Variants in TRPC6 observed in about 807,000 individuals in gnomAD.
The protein encoded by TRPC6 is short transient receptor potential channel 6.
Under a neutral mutation model 90.7 loss-of-function variants are expected in TRPC6, and 55 were observed. That is an observed-to-expected ratio of 0.61 (90% CI 0.49 to 0.76). The LOEUF (loss-of-function observed/expected upper bound fraction) is 0.76, where lower values mean the gene tolerates loss of function less well. TRPC6 is among the 30% of genes least tolerant of loss of function. TRPC6 has a pLI of 0.00. For missense variants in TRPC6, 989 were observed against 1,122.7 expected (o/e 0.88, Z 1.70); for synonymous variants, 393 against 393.0 (o/e 1.00, Z 0.00).
At chr11:101,475,914 GTATA>G (rs34951678) in intron 6 of TRPC6, among the ~76,000 whole-genome samples, 12,057 of 150,572 alleles carry the variant, frequency 0.08, 639 homozygotes, top group Middle Eastern at 0.13. Flanking sequence ...ACACACACGT[GTATA>G]TATACATATA....
intron 1 of TRPC6, among the ~76,000 whole-genome samples, chr11:101,528,543 CATT>C (rs1860836050): frequency 1.3e-5 from 2 of 152,288 alleles, no homozygotes; most frequent in East Asian, 3.9e-4. Context: ...TGAGGCAACA[CATT>C]ATATAGAGTT....
At chr11:101,580,734 C>G (rs1311026530) in intron 1 of TRPC6, among the ~76,000 whole-genome samples, 1 of 152,112 alleles carries the variant, frequency 6.6e-6, no homozygotes, top group Non-Finnish European at 1.5e-5. Flanking sequence ...CTTACAAAGA[C>G]TTGGGATCTT....
chr11:101,583,286 C>A (rs1048138380), intron 1 of TRPC6, 48 bp downstream of exon 1: 2 of 1,539,164 alleles, frequency 1.3e-6, no homozygotes, highest in African/African-American at 1.4e-5. Context: ...CGCACAACCT[C>A]CCTCCGCGCA....
At chr11:101,517,466 C>T (rs922038212) in intron 1 of TRPC6, among the ~76,000 whole-genome samples, 5 of 152,072 alleles carry the variant, frequency 3.3e-5, no homozygotes, top group African/African-American at 7.2e-5. Context: ...AGAACTCTGC[C>T]GAAGGCTCAT....
intron 1 of TRPC6, among the ~76,000 whole-genome samples, chr11:101,515,680 A>G (rs6590878): frequency 0.49 from 74,537 of 151,980 alleles, 18,633 homozygotes; most frequent in African/African-American, 0.55. Flanking sequence ...TATTTTAAAC[A>G]AATTTTTACT....
intron 1 of TRPC6, among the ~76,000 whole-genome samples, chr11:101,551,662 G>T (rs1167114945): frequency 6.6e-6 from 1 of 151,710 alleles, no homozygotes; most frequent in Non-Finnish European, 1.5e-5. Context: ...GCCAATTAAT[G>T]ATTCAAAAAC....
At chr11:101,517,832 G>A (rs936282001) in intron 1 of TRPC6, among the ~76,000 whole-genome samples, 43 of 152,240 alleles carry the variant, frequency 2.8e-4, no homozygotes, top group African/African-American at 1.0e-3. Context: ...ATTCCAAAAT[G>A]CTATTACCTA....
intron 1 of TRPC6, among the ~76,000 whole-genome samples, chr11:101,519,559 AC>A (rs1358546146): frequency 6.6e-6 from 1 of 151,892 alleles, no homozygotes; most frequent in East Asian, 1.9e-4. Context: ...TATCTGCTTC[AC>A]CCATCTTGAT....
chr11:101,547,093 C>T (rs1861323372), intron 1 of TRPC6, among the ~76,000 whole-genome samples: 1 of 152,130 alleles, frequency 6.6e-6, no homozygotes. Context: ...CCATGGGAAT[C>T]TTCTGGGTTT....
At position 101,472,451 on chromosome 11, in the gene TRPC6, T is replaced by TCACTTCTCTGAAGCTCA. The variant is rs1254436806; in HGVS notation, c.2010-136_2010-120dup. On this transcript the variant is annotated intron_variant, in intron 7 of 12. Coordinates refer to ENST00000344327, the MANE Select transcript of TRPC6 (RefSeq NM_004621.6). ...AATTAGTGAGTATAAAAAAAATTCTTCACTTCTCTGAAGCTCACTTTTCTT... is the reference window on the plus strand; with the variant it reads ...AATTAGTGAGTATAAAAAAAATTCTTCACTTCTCTGAAGCTCACACTTCTCTGAAGCTCACTTTTCTT... 1.0e-5 allele frequency: 10 copies of TCACTTCTCTGAAGCTCA among 953,324 alleles called. No homozygotes were observed. In the East Asian group the frequency reaches 2.1e-4, roughly 20 times the overall value. The allele number at this position is 953,324 out of a possible 1,614,324, so 59.1% of individuals were successfully genotyped here.
At chr11:101,494,957 A>G (rs746548687) in intron 2 of TRPC6, among the ~76,000 whole-genome samples, 1 of 152,194 alleles carries the variant, frequency 6.6e-6, no homozygotes. Flanking sequence ...TCATATTTTA[A>G]GTAACTGACA....
chr11:101,545,087 T>C lies in TRPC6; in HGVS notation c.170+38247A>G, dbSNP rs371619479. Reference sequence around the variant, plus strand: ...TTGTTCTGAATGAAAAATAGGTCTGTATTAGTCTTTATACACACACACATA... The same window carrying C: ...TTGTTCTGAATGAAAAATAGGTCTGCATTAGTCTTTATACACACACACATA... On this transcript the variant is annotated intron_variant, in intron 1 of 12. Coordinates refer to ENST00000344327, the MANE Select transcript of TRPC6 (RefSeq NM_004621.6). 6.6e-5 allele frequency among the ~76,000 whole-genome samples: 10 copies of C among 152,192 alleles called. No individual in the cohort carries two copies. The East Asian group carries it at 1.2e-3, about 18-fold the overall frequency.
At position 101,583,602 on chromosome 11, in the gene TRPC6, C is replaced by G. The variant is rs913767126; in HGVS notation, c.-99G>C. ...CGGAGGGTTCGCGTCAGCGGCCGAA[C>G]TGGACCTGGGCAGACCGGTGCCCAG... On this transcript the variant is annotated 5_prime_UTR_variant, in exon 1 of 13. Coordinates refer to ENST00000344327, the MANE Select transcript of TRPC6 (RefSeq NM_004621.6). 4 of 1,337,086 alleles carry G rather than the reference C, an allele frequency of 3.0e-6. No individual in the cohort carries two copies. The highest frequency in any genetic ancestry group is 3.1e-5 in the African/African-American group (2 of 64,360). The allele number at this position is 1,337,086 out of a possible 1,614,324, so 82.8% of individuals were successfully genotyped here.
At chr11:101,458,820 C>G (rs1028702043) in intron 10 of TRPC6, among the ~76,000 whole-genome samples, 1 of 152,130 alleles carries the variant, frequency 6.6e-6, no homozygotes. Flanking sequence ...GTGCAGCTAA[C>G]TAAATACTTT....
At chr11:101,494,153 G>C (rs1236811841) in intron 2 of TRPC6, among the ~76,000 whole-genome samples, 2 of 152,124 alleles carry the variant, frequency 1.3e-5, no homozygotes, top group African/African-American at 4.8e-5. Flanking sequence ...CGAACTCTTA[G>C]ATTTGGAGGT....
rs559103939 is a variant in TRPC6, at chr11:101,475,509, C to T, written c.1744+792G>A. Among the ~76,000 whole-genome samples the T allele has an allele frequency of 2.0e-5, 3 of 152,102 alleles. No individual in the cohort carries two copies. The East Asian group carries it at 5.8e-4, about 29-fold the overall frequency. Reference sequence around the variant, plus strand: ...ACTCTAGCCACTATACTGTATATCTCCCTTATTATAAGCTTATTACAAGCT... The same window carrying T: ...ACTCTAGCCACTATACTGTATATCTTCCTTATTATAAGCTTATTACAAGCT... On this transcript the variant is annotated intron_variant, in intron 6 of 12. Coordinates refer to ENST00000344327, the MANE Select transcript of TRPC6 (RefSeq NM_004621.6).
At chr11:101,479,500 A>C (rs1039951564) in intron 5 of TRPC6, among the ~76,000 whole-genome samples, 2 of 152,238 alleles carry the variant, frequency 1.3e-5, no homozygotes, top group African/African-American at 4.8e-5. Flanking sequence ...ACTAAAAATG[A>C]GATAAATTTG....
intron 1 of TRPC6, among the ~76,000 whole-genome samples, chr11:101,527,620 A>G (rs971199037): frequency 6.6e-6 from 1 of 152,168 alleles, no homozygotes; most frequent in African/African-American, 2.4e-5. Context: ...AGGCTTTATA[A>G]AAACAATGGT....
At chr11:101,519,740 C>T (rs11224815) in intron 1 of TRPC6, 12,899 of 154,278 alleles carry the variant, frequency 0.084, 728 homozygotes, top group Non-Finnish European at 0.12. Flanking sequence ...CTGAACACCT[C>T]TTGCTACCAC....
Sources: gnomAD v4.1 joint callset for allele counts (sites outside exome capture counted in the v4.1 genomes callset) on GRCh38, gnomAD v4.1.1 for gene constraint, MANE v1.5 for transcripts, NCBI Gene and HGNC (gene_info 2026-07-23, HGNC 2026-07-21) for gene names.